EGFLAM: variants seen among roughly 807,000 people sequenced by gnomAD.
The protein encoded by EGFLAM is EGF like, fibronectin type III and laminin G domains.
A neutral mutation model predicts 113.1 loss-of-function variants in EGFLAM; 79 were observed. The observed-to-expected ratio is 0.70, with a 90% CI of 0.58 to 0.84. The LOEUF (loss-of-function observed/expected upper bound fraction) is 0.84, where lower values mean the gene tolerates loss of function less well. EGFLAM is among the 40% of genes least tolerant of loss of function. The pLI is 0.00. For missense variants in EGFLAM, 1,265 were observed against 1,291.6 expected, an observed-to-expected ratio of 0.98 and a Z score of 0.32; for synonymous variants, 504 against 487.6, an observed-to-expected ratio of 1.03 and a Z score of -0.44.
intron 1 of EGFLAM, among the ~76,000 whole-genome samples, chr5:38,310,327 C>T (rs1478965694): frequency 6.6e-6 from 1 of 152,154 alleles, no homozygotes; most frequent in East Asian, 1.9e-4. Flanking sequence ...CTCTCACTTA[C>T]TATCTGTACA....
intron 6 of EGFLAM, among the ~76,000 whole-genome samples, chr5:38,372,381 G>C (rs1005248466): frequency 6.6e-6 from 1 of 152,190 alleles, no homozygotes; most frequent in African/African-American, 2.4e-5. Context: ...GGATGGTCTC[G>C]AACTCCTGAC....
At chr5:38,336,593 A>G (rs1739192768) in intron 1 of EGFLAM, among the ~76,000 whole-genome samples, 1 of 151,462 alleles carries the variant, frequency 6.6e-6, no homozygotes, top group Non-Finnish European at 1.5e-5. Flanking sequence ...ACACACACAC[A>G]CACACAGACA....
intron 1 of EGFLAM, among the ~76,000 whole-genome samples, chr5:38,326,452 C>T (rs543712023): frequency 1.4e-4 from 22 of 152,244 alleles, no homozygotes; most frequent in African/African-American, 4.3e-4. Flanking sequence ...TTGTTCACAG[C>T]ACTAACAACC....
chr5:38,398,077 T>C (rs923865348), intron 6 of EGFLAM, among the ~76,000 whole-genome samples: 14 of 152,208 alleles, frequency 9.2e-5, no homozygotes, highest in African/African-American at 3.4e-4. Context: ...GAAGAGCCAC[T>C]GGGAACATCA....
intron 1 of EGFLAM, among the ~76,000 whole-genome samples, chr5:38,316,146 T>G (rs1305073265): frequency 1.3e-5 from 2 of 152,070 alleles, no homozygotes; most frequent in Non-Finnish European, 2.9e-5. Flanking sequence ...TTATTTAATT[T>G]TATTACTAGT....
chr5:38,426,201 A>T (rs1742004045), intron 13 of EGFLAM, among the ~76,000 whole-genome samples: 1 of 152,182 alleles, frequency 6.6e-6, no homozygotes, highest in African/African-American at 2.4e-5. Flanking sequence ...AAATTATGCC[A>T]CATTTTAATA....
In EGFLAM at chr5:38,386,376, A is replaced by G. The variant is rs566736318; in HGVS notation, c.712+15914A>G. ...GCCTGGCTAATTTTGTATTTTTAGT[A>G]GAAACAGAGTTTCACCATGTTGGTC... On this transcript the variant is annotated intron_variant, in intron 6 of 21. Coordinates refer to ENST00000322350, the MANE Select transcript of EGFLAM (RefSeq NM_152403.4). Among the ~76,000 whole-genome samples, 62 of 152,208 alleles carry G rather than the reference A, an allele frequency of 4.1e-4. No individual in the cohort carries two copies. The South Asian group carries it at 0.013, about 31-fold the overall frequency.
Position 38,261,374 on chromosome 5 carries a change from T to A in EGFLAM, c.97+2523T>A, listed in dbSNP as rs553713584. Among the ~76,000 whole-genome samples the A allele has an allele frequency of 2.6e-5, 4 of 152,344 alleles. No homozygotes were observed. In the South Asian group the frequency reaches 8.3e-4, roughly 32 times the overall value. ...TAACACTAAGTGCTTGCTACACTGT[T>A]CTAAGAACTGGATGCACAGTGATTT... On this transcript the variant is annotated intron_variant, in intron 1 of 21. Coordinates refer to ENST00000322350, the MANE Select transcript of EGFLAM (RefSeq NM_152403.4).
In EGFLAM at chr5:38,435,166, A is replaced by C. The variant is rs1391804478; in HGVS notation, c.2196A>C (p.Thr732=). The C allele has an allele frequency of 1.9e-6, 3 of 1,614,202 alleles. No homozygotes were observed. The highest frequency in any genetic ancestry group is 2.5e-6 in the Non-Finnish European group (3 of 1,180,024). Residue 732 remains threonine (T), a synonymous_variant, in exon 16 of 22, where the codon ACA becomes ACC. Transcript: ENST00000322350. The part of the protein sequence containing the change: ...EGGFTQIKCN[T]DIFIGGVPNY... ...GCTTCACACAGATTAAGTGCAACAC[A>C]GACATTTTCATTGGCGGAGTCCCCA...
intron 1 of EGFLAM, among the ~76,000 whole-genome samples, chr5:38,292,629 C>T (rs1336270004): frequency 6.6e-6 from 1 of 152,128 alleles, no homozygotes; most frequent in Non-Finnish European, 1.5e-5. Flanking sequence ...AGGGATAGTA[C>T]CCACCTGTAC....
intron 1 of EGFLAM, among the ~76,000 whole-genome samples, chr5:38,297,932 C>T (rs1758484762): frequency 6.6e-6 from 1 of 152,194 alleles, no homozygotes; most frequent in South Asian, 2.1e-4. Flanking sequence ...ATCCACTCCC[C>T]ATTACTGTCG....
intron 1 of EGFLAM, among the ~76,000 whole-genome samples, chr5:38,278,298 G>A (rs1457381531): frequency 6.6e-6 from 1 of 152,094 alleles, no homozygotes; most frequent in Non-Finnish European, 1.5e-5. Context: ...GGAAAGGATA[G>A]TGTATTCAGT....
chr5:38,444,698 G>T (rs111594438), intron 17 of EGFLAM, among the ~76,000 whole-genome samples: 1 of 152,084 alleles, frequency 6.6e-6, no homozygotes, highest in Non-Finnish European at 1.5e-5. Context: ...TAATCCAGGC[G>T]CTTTGGGAGG....
At chr5:38,424,107 G>A (rs777055040) in intron 12 of EGFLAM, among the ~76,000 whole-genome samples, 11 of 152,176 alleles carry the variant, frequency 7.2e-5, no homozygotes, top group South Asian at 4.1e-4. Context: ...CCCTCATGTG[G>A]TTCTGGGCCA....
rs772166228 is a variant in EGFLAM, at chr5:38,438,466, G to A, written c.2464+11G>A. ...TTCACTGCCAGAAAGGTACGCTCAGGGGTCTGAGGCACAGCTCCCTGGAGG... is the reference window on the plus strand; with the variant it reads ...TTCACTGCCAGAAAGGTACGCTCAGAGGTCTGAGGCACAGCTCCCTGGAGG... On this transcript the variant is annotated intron_variant, in intron 17 of 21. Coordinates refer to ENST00000322350, the MANE Select transcript of EGFLAM (RefSeq NM_152403.4). The A allele has an allele frequency of 3.8e-6, 6 of 1,590,030 alleles. No homozygotes were observed. Among genetic ancestry groups the A allele is most frequent in the Non-Finnish European group, 5.1e-6 (6 of 1,165,616 alleles).
At chr5:38,366,132 C>T (rs1028925872) in intron 5 of EGFLAM, among the ~76,000 whole-genome samples, 20 of 152,118 alleles carry the variant, frequency 1.3e-4, no homozygotes, top group Non-Finnish European at 2.5e-4. Flanking sequence ...AAGTTTCCTC[C>T]ACCTAAGCCA....
chr5:38,371,072 T>C (rs1412252379), intron 6 of EGFLAM, among the ~76,000 whole-genome samples: 1 of 152,166 alleles, frequency 6.6e-6, no homozygotes, highest in Non-Finnish European at 1.5e-5. Flanking sequence ...TCCCCCACAA[T>C]GCCAAGAACC....
chr5:38,278,798 T>C (rs575917002), intron 1 of EGFLAM, among the ~76,000 whole-genome samples: 8 of 90,288 alleles, frequency 8.9e-5, no homozygotes, highest in Middle Eastern at 7.8e-3. Flanking sequence ...CTCTGGTCAA[T>C]GATTTTTTTT....
Position 38,407,157 on chromosome 5 carries a change from G to A in EGFLAM, c.1147+11G>A. On this transcript the variant is annotated intron_variant, in intron 8 of 21. Coordinates refer to ENST00000322350, the MANE Select transcript of EGFLAM (RefSeq NM_152403.4). Reference sequence around the variant, plus strand: ...AGAGCTGCTCAGAAGGTAGGCCCTTGGGGGAGAGGAAGAAGTGGTGATGAA... The same window carrying A: ...AGAGCTGCTCAGAAGGTAGGCCCTTAGGGGAGAGGAAGAAGTGGTGATGAA... The A allele has an allele frequency of 6.3e-7, 1 of 1,579,240 alleles. No individual in the cohort carries two copies. Among genetic ancestry groups the A allele is most frequent in the Non-Finnish European group, 8.5e-7 (1 of 1,173,072 alleles).
Sources: gnomAD v4.1 joint callset for allele counts (sites outside exome capture counted in the v4.1 genomes callset) on GRCh38, gnomAD v4.1.1 for gene constraint, MANE v1.5 for transcripts, NCBI Gene and HGNC (gene_info 2026-07-23, HGNC 2026-07-21) for gene names.